The following LARGE1 variants were observed in gnomAD, a reference collection of about 807,000 sequenced individuals.
LARGE1 encodes the protein LARGE xylosyl- and glucuronyltransferase 1, also known as xylosyl- and glucuronyltransferase LARGE1.
Under a neutral mutation model 87.6 loss-of-function variants are expected in LARGE1, and 43 were observed. That is an observed-to-expected ratio of 0.49 (90% confidence interval 0.38 to 0.63). The LOEUF (loss-of-function observed/expected upper bound fraction) is 0.63, where lower values mean the gene tolerates loss of function less well. LARGE1 is among the 30% of genes least tolerant of loss of function. LARGE1 has a pLI of 0.00. For synonymous variants in LARGE1, 434 were observed against 394.6 expected (o/e 1.10, Z -1.18); for missense variants, 802 against 1,000.2 (o/e 0.80, Z 2.67).
At chr22:33,141,992 T>C in the LARGE1 span, among the ~76,000 whole-genome samples, 2 of 152,196 alleles carry the variant, frequency 1.3e-5, no homozygotes, top group South Asian at 2.1e-4. Flanking sequence ...TCTGCTGCCA[T>C]TGATGTCTCT....
chr22:33,170,406 A>G (rs919678386), intron 11 of LARGE1, among the ~76,000 whole-genome samples: 1 of 151,788 alleles, frequency 6.6e-6, no homozygotes, highest in Admixed American at 6.6e-5. Context: ...AATAAAGGAG[A>G]CCTCATAGAG....
chr22:33,407,303 G>A (rs1180831679), intron 7 of LARGE1, among the ~76,000 whole-genome samples: 1 of 152,136 alleles, frequency 6.6e-6, no homozygotes, highest in Non-Finnish European at 1.5e-5. Flanking sequence ...GGAACTATAG[G>A]TGTGCACCAC....
chr22:33,708,965 G>A (rs1422710039), intron 2 of LARGE1, among the ~76,000 whole-genome samples: 1 of 152,046 alleles, frequency 6.6e-6, no homozygotes, highest in Non-Finnish European at 1.5e-5. Context: ...GTGTCTTCAT[G>A]GGGTCTTTCC....
chr22:33,476,870 T>C (rs572578781), intron 6 of LARGE1, among the ~76,000 whole-genome samples: 10 of 152,126 alleles, frequency 6.6e-5, no homozygotes, highest in Non-Finnish European at 1.5e-4. Context: ...CAGGACCTTT[T>C]CATGCACGCA....
rs556094456 is a variant in LARGE1, at chr22:33,187,473, C to T, written c.1731-20641G>A. Reference sequence around the variant, plus strand: ...GAAGCAGAGAGTAGAATTGTAGTTACCAGTGCTCAGGGATGGGAGTGAGGT... The same window carrying T: ...GAAGCAGAGAGTAGAATTGTAGTTATCAGTGCTCAGGGATGGGAGTGAGGT... On this transcript the variant is annotated intron_variant, in intron 11 of 11. Coordinates refer to the LARGE1 transcript ENST00000608642. 1.3e-3 allele frequency among the ~76,000 whole-genome samples: 192 copies of T among 152,124 alleles called. 1 individual carries two copies. The highest frequency in any genetic ancestry group is 2.2e-3 in the Non-Finnish European group (148 of 67,978).
At chr22:33,477,649 G>A (rs1252122191) in intron 6 of LARGE1, among the ~76,000 whole-genome samples, 1 of 152,004 alleles carries the variant, frequency 6.6e-6, no homozygotes, top group Non-Finnish European at 1.5e-5. Context: ...AGTGAGCTCC[G>A]CCAGGTCTTA....
chr22:33,526,410 A>G (rs2071898304), intron 6 of LARGE1, among the ~76,000 whole-genome samples: 1 of 152,242 alleles, frequency 6.6e-6, no homozygotes, highest in African/African-American at 2.4e-5. Context: ...AGGGGAGAGA[A>G]GAGGCTTCAG....
At chr22:33,488,556 T>C (rs2069687614) in intron 6 of LARGE1, among the ~76,000 whole-genome samples, 1 of 152,214 alleles carries the variant, frequency 6.6e-6, no homozygotes, top group South Asian at 2.1e-4. Flanking sequence ...ACAGCTTTAG[T>C]AGCTATGGTT....
intron 1 of LARGE1, among the ~76,000 whole-genome samples, chr22:33,796,020 C>T (rs1212436516): frequency 2.0e-5 from 3 of 150,922 alleles, no homozygotes; most frequent in African/African-American, 7.4e-5. Context: ...AGAACATAGG[C>T]TGTGGAGCCA....
rs2078806592 is a variant in LARGE1, at chr22:33,590,545, G to A, written c.615+13890C>T. On this transcript the variant is annotated intron_variant, in intron 5 of 14. Transcript: ENST00000397394. Reference sequence around the variant, plus strand: ...TTTGATCGCCCTCGAAAATGCCCTGGTGTCCCTTGCTAGGCAGTCCCACCA... The same window carrying A: ...TTTGATCGCCCTCGAAAATGCCCTGATGTCCCTTGCTAGGCAGTCCCACCA... 2.0e-5 allele frequency among the ~76,000 whole-genome samples: 3 copies of A among 152,152 alleles called. No homozygotes were observed. The South Asian group carries it at 6.2e-4, about 32-fold the overall frequency.
At chr22:33,619,436 T>C (rs1287904544) in intron 4 of LARGE1, among the ~76,000 whole-genome samples, 1 of 151,120 alleles carries the variant, frequency 6.6e-6, no homozygotes, top group Non-Finnish European at 1.5e-5. Flanking sequence ...GCACCTGTAA[T>C]CCCAGATAGT....
Position 33,529,240 on chromosome 22 carries a change from C to A in LARGE1, c.787+35608G>T, listed in dbSNP as rs2072074109. On this transcript the variant is annotated intron_variant, in intron 6 of 14. Transcript: ENST00000397394. ...ATCCCTGGCTCATCGCCTTTGAGGA[C>A]CATGATGGCCCCTTGCCTTGGCAGC... Among the ~76,000 whole-genome samples the A allele has an allele frequency of 1.3e-5, 2 of 152,108 alleles. 1 individual carries two copies. The highest frequency in any genetic ancestry group is 4.1e-4 in the South Asian group (2 of 4,822).
In LARGE1 at chr22:33,273,328, T is replaced by G. The variant is rs1202217192; in HGVS notation, c.*1099A>C. On this transcript the variant is annotated 3_prime_UTR_variant, in exon 15 of 15. Coordinates refer to ENST00000397394, the MANE Select transcript of LARGE1 (RefSeq NM_133642.5). ...AGACTGAGGTTGTCACCTCTTCCCA[T>G]CCACAGTGAAGCAGGCAAGAACCAG... 1 of 398,426 alleles carries G rather than the reference T, an allele frequency of 2.5e-6. No homozygotes were observed. The highest frequency in any genetic ancestry group is 3.6e-5 in the East Asian group (1 of 28,090). The allele number at this position is 398,426 out of a possible 1,614,324, so 24.7% of individuals were successfully genotyped here. A position where few individuals can be genotyped will look rare whatever the true frequency, so the allele number is the denominator to read the frequency against.
rs1017520324 is a variant in LARGE1 at position 33,650,746 on chromosome 22, T to C, written c.107-78A>G. On this transcript the variant is annotated intron_variant, in intron 2 of 14. Transcript: ENST00000397394. ...CCCCTCCAAGTTCCCCAGACATCCC[T>C]TACTACATGGCGAGGCTCCTTGCAC... is the stretch of plus-strand genomic sequence containing the variant. The C allele has an allele frequency of 3.5e-5, 53 of 1,522,148 alleles. No individual in the cohort carries two copies. The African/African-American group carries it at 6.7e-4, about 19-fold the overall frequency. 94.3% of individuals were successfully genotyped at this position (1,522,148 alleles called of 1,614,324 possible).
intron 1 of LARGE1, among the ~76,000 whole-genome samples, chr22:33,884,729 TG>T (rs1279288530): frequency 1.3e-5 from 2 of 152,196 alleles, no homozygotes; most frequent in Non-Finnish European, 2.9e-5. Context: ...ACCCTCTTAG[TG>T]GCATGCGTGC....
intron 2 of LARGE1, among the ~76,000 whole-genome samples, chr22:33,744,718 T>C (rs140360396): frequency 1.8e-3 from 281 of 152,344 alleles, no homozygotes; most frequent in African/African-American, 6.4e-3. Flanking sequence ...TCCTACTGAC[T>C]GGTACAGTGC....
intron 2 of LARGE1, among the ~76,000 whole-genome samples, chr22:33,702,689 C>T (rs1469688876): frequency 6.6e-6 from 1 of 152,188 alleles, no homozygotes; most frequent in African/African-American, 2.4e-5. Flanking sequence ...AGATAAGGTT[C>T]CTGCTGTGGT....
intron 1 of LARGE1, among the ~76,000 whole-genome samples, chr22:33,851,332 C>T (rs902780986): frequency 6.6e-6 from 1 of 152,224 alleles, no homozygotes; most frequent in Non-Finnish European, 1.5e-5. Flanking sequence ...CTCTCTACCG[C>T]CCCAGCCTTC....
chr22:33,368,280 C>T (rs769149329), intron 9 of LARGE1, among the ~76,000 whole-genome samples: 1 of 151,964 alleles, frequency 6.6e-6, no homozygotes, highest in South Asian at 2.1e-4. Flanking sequence ...CCTGTAATCC[C>T]AGCACTTTGG....
Sources: gnomAD v4.1 joint callset for allele counts (sites outside exome capture counted in the v4.1 genomes callset) on GRCh38, gnomAD v4.1.1 for gene constraint, MANE v1.5 for transcripts, NCBI Gene and HGNC (gene_info 2026-07-23, HGNC 2026-07-21) for gene names.